MAD1L1: variants seen among roughly 807,000 people sequenced by gnomAD.
MAD1L1 encodes the protein mitotic arrest deficient 1 like 1.
MAD1L1 carries 95 observed loss-of-function variants against 96.9 expected under a neutral mutation model. The ratio of observed to expected loss-of-function variants is 0.98; its 90% CI spans 0.83 to 1.16. The LOEUF is 1.16. MAD1L1 is among the 50% of genes most tolerant of loss of function. The pLI is 0.00. For synonymous variants in MAD1L1, 473 were observed against 396.6 expected (o/e 1.19, Z -2.29); for missense variants, 1,007 against 954.4 (o/e 1.06, Z -0.73).
chr7:2,112,437 C>T (rs1465677683), intron 11 of MAD1L1, among the ~76,000 whole-genome samples: 1 of 152,228 alleles, frequency 6.6e-6, no homozygotes, highest in East Asian at 1.9e-4. Flanking sequence ...TGAGAAAACG[C>T]CACTTCCACT....
chr7:2,017,356 C>A (rs1004627117), intron 12 of MAD1L1, among the ~76,000 whole-genome samples: 43 of 152,230 alleles, frequency 2.8e-4, no homozygotes, highest in African/African-American at 9.9e-4. Flanking sequence ...TCCTTAGGTA[C>A]AGAAACGTCC....
chr7:1,933,052 GGA>G (rs1562536009), intron 17 of MAD1L1, among the ~76,000 whole-genome samples: 1 of 152,216 alleles, frequency 6.6e-6, no homozygotes, highest in East Asian at 1.9e-4. Flanking sequence ...AGGAGATCCA[GGA>G]GACAGTTTTT....
intron 18 of MAD1L1, among the ~76,000 whole-genome samples, chr7:1,876,782 A>T (rs747315785): frequency 2.5e-4 from 37 of 150,238 alleles, no homozygotes; most frequent in Non-Finnish European, 4.7e-4. Flanking sequence ...CCAGAAGGTG[A>T]TGTCCTTGGC....
chr7:1,963,749 G>A (rs1780044836), intron 15 of MAD1L1, among the ~76,000 whole-genome samples: 1 of 152,216 alleles, frequency 6.6e-6, no homozygotes, highest in Non-Finnish European at 1.5e-5. Flanking sequence ...GGTGTCTGGG[G>A]CACTCCCACT....
chr7:1,935,531 G>A (rs904741051), intron 17 of MAD1L1, among the ~76,000 whole-genome samples: 1 of 152,208 alleles, frequency 6.6e-6, no homozygotes, highest in Non-Finnish European at 1.5e-5. Flanking sequence ...ATGGGGGTGG[G>A]GCACAAGAGG....
chr7:1,874,291 G>A (rs761064223), intron 18 of MAD1L1, among the ~76,000 whole-genome samples: 1 of 152,092 alleles, frequency 6.6e-6, no homozygotes, highest in South Asian at 2.1e-4. Flanking sequence ...CCGTGTCATC[G>A]CACGGCCAGG....
chr7:2,075,893 C>T (rs1450455575), intron 11 of MAD1L1, among the ~76,000 whole-genome samples: 1 of 152,252 alleles, frequency 6.6e-6, no homozygotes, highest in Non-Finnish European at 1.5e-5. Context: ...TGAGCACCCG[C>T]CAAGGCAAGG....
chr7:2,106,070 T>C (rs55732509), intron 11 of MAD1L1, among the ~76,000 whole-genome samples: 3,646 of 102,620 alleles, frequency 0.036, 83 homozygotes, highest in South Asian at 0.13. Context: ...CCCAGACCTA[T>C]CTATCACACA....
At chr7:1,960,566 TATA>T (rs1482395547) in intron 15 of MAD1L1, among the ~76,000 whole-genome samples, 5 of 152,176 alleles carry the variant, frequency 3.3e-5, no homozygotes, top group Non-Finnish European at 5.9e-5. Context: ...GAAGGTAACT[TATA>T]ATAATAAAGA....
intron 14 of MAD1L1, among the ~76,000 whole-genome samples, chr7:1,990,090 G>A (rs1781339125): frequency 6.6e-6 from 1 of 152,264 alleles, no homozygotes; most frequent in Non-Finnish European, 1.5e-5. Flanking sequence ...GAGTGCCAGA[G>A]TGAGGGCGTC....
chr7:2,004,252 C>T (rs1489142404), intron 13 of MAD1L1, among the ~76,000 whole-genome samples: 1 of 152,134 alleles, frequency 6.6e-6, no homozygotes, highest in Middle Eastern at 3.2e-3. Context: ...GAGAGCTGCC[C>T]GCACCCCTGG....
chr7:1,957,373 C>G (rs554187825), intron 16 of MAD1L1, among the ~76,000 whole-genome samples: 2 of 152,252 alleles, frequency 1.3e-5, no homozygotes, highest in Non-Finnish European at 2.9e-5. Flanking sequence ...TAGTGCAAAT[C>G]TGCCCAGAGC....
At chr7:2,090,977 G>A (rs986917202) in intron 11 of MAD1L1, among the ~76,000 whole-genome samples, 3 of 152,190 alleles carry the variant, frequency 2.0e-5, no homozygotes, top group African/African-American at 7.2e-5. Context: ...CTGCCCCATT[G>A]AGTCACGCCA....
chr7:2,057,779 A>C (rs1205874398), intron 12 of MAD1L1, among the ~76,000 whole-genome samples: 4 of 152,228 alleles, frequency 2.6e-5, no homozygotes, highest in African/African-American at 9.6e-5. Flanking sequence ...ACTCTTAGAA[A>C]AGCACAAGTT....
intron 11 of MAD1L1, among the ~76,000 whole-genome samples, chr7:2,127,136 T>A (rs1411456466): frequency 6.6e-6 from 1 of 152,204 alleles, no homozygotes; most frequent in African/African-American, 2.4e-5. Flanking sequence ...TCCACAGTGC[T>A]GGCCTGACCC....
chr7:1,839,227 G>A (rs180888843), intron 18 of MAD1L1, among the ~76,000 whole-genome samples: 6 of 152,246 alleles, frequency 3.9e-5, no homozygotes, highest in Admixed American at 6.5e-5. Flanking sequence ...GGGAGGGCGG[G>A]GCTAGGTGGG....
intron 18 of MAD1L1, among the ~76,000 whole-genome samples, chr7:1,880,250 C>G (rs1333600629): frequency 6.6e-6 from 1 of 152,162 alleles, no homozygotes; most frequent in Admixed American, 6.5e-5. Context: ...CTGCCAACAC[C>G]CGGGTTCCTG....
chr7:2,031,989 C>T (rs1281696722), intron 12 of MAD1L1, among the ~76,000 whole-genome samples: 1 of 152,238 alleles, frequency 6.6e-6, no homozygotes, highest in Non-Finnish European at 1.5e-5. Flanking sequence ...ACTTGGTCTT[C>T]TACAGTTCAA....
intron 12 of MAD1L1, among the ~76,000 whole-genome samples, chr7:2,041,728 G>A (rs955021688): frequency 2.6e-5 from 4 of 152,192 alleles, no homozygotes; most frequent in Non-Finnish European, 1.5e-5. Flanking sequence ...ATACCATCAG[G>A]TGTCAGGTCA....
Sources: allele counts gnomAD v4.1 joint callset (sites outside exome capture counted in the v4.1 genomes callset), GRCh38; gene constraint gnomAD v4.1.1; transcripts MANE v1.5; gene names NCBI Gene and HGNC (gene_info 2026-07-23, HGNC 2026-07-21).